Variants in HDAC9 observed in about 807,000 individuals in gnomAD.
HDAC9 encodes histone deacetylase 9.
A neutral mutation model predicts 139.4 loss-of-function variants in HDAC9; 41 were observed. The observed-to-expected ratio is 0.29, with a 90% CI of 0.23 to 0.38. The LOEUF is 0.38. Ranked by LOEUF, HDAC9 falls within the 10% of genes least tolerant of loss-of-function variation. The probability of loss-of-function intolerance (pLI) is 1.00; values close to 1 mark genes in which losing one functional copy is unlikely to be tolerated. For missense variants in HDAC9, 1,147 were observed against 1,297.0 expected (o/e 0.88, Z 1.78); for synonymous variants, 517 against 476.2 (o/e 1.09, Z -1.12).
intron 2 of HDAC9, among the ~76,000 whole-genome samples, chr7:18,215,858 T>A (rs193086237): frequency 1.5e-3 from 227 of 152,264 alleles, no homozygotes; most frequent in Non-Finnish European, 2.6e-3. Flanking sequence ...GCTGTTTTTG[T>A]CAATCATATA....
chr7:18,905,564 A>G (rs1802158596), intron 22 of HDAC9, among the ~76,000 whole-genome samples: 1 of 152,220 alleles, frequency 6.6e-6, no homozygotes, highest in South Asian at 2.1e-4. Flanking sequence ...CAACAGTGCC[A>G]TTTTTACATT....
chr7:18,493,630 A>T (rs1483837357), upstream of HDAC9, among the ~76,000 whole-genome samples: 2 of 151,968 alleles, frequency 1.3e-5, no homozygotes, highest in Non-Finnish European at 2.9e-5. Flanking sequence ...ACTAGCTGAG[A>T]TGATAGATTT....
At chr7:18,664,211 A>G (rs1233693494) in intron 11 of HDAC9, among the ~76,000 whole-genome samples, 1 of 152,146 alleles carries the variant, frequency 6.6e-6, no homozygotes, top group East Asian at 1.9e-4. Context: ...GTTTCCTAAA[A>G]TATACTTAAA....
chr7:18,925,558 C>G (rs568636555), intron 22 of HDAC9, among the ~76,000 whole-genome samples: 8 of 152,102 alleles, frequency 5.3e-5, no homozygotes, highest in Non-Finnish European at 1.0e-4. Context: ...TTTGAGTCCT[C>G]TTGAATACAT....
At chr7:18,112,296 C>T (rs550243340) in intron 1 of HDAC9, among the ~76,000 whole-genome samples, 12 of 152,220 alleles carry the variant, frequency 7.9e-5, no homozygotes, top group South Asian at 2.1e-4. Flanking sequence ...TGCCACAAAT[C>T]GGAGATTTTG....
At chr7:18,741,351 T>C (rs1584953459) in intron 13 of HDAC9, among the ~76,000 whole-genome samples, 1 of 152,216 alleles carries the variant, frequency 6.6e-6, no homozygotes, top group East Asian at 1.9e-4. Flanking sequence ...CTCAAAATAC[T>C]GTGCCCTTCA....
intron 1 of HDAC9, among the ~76,000 whole-genome samples, chr7:18,321,456 G>A (rs1170660850): frequency 6.6e-6 from 1 of 152,142 alleles, no homozygotes; most frequent in African/African-American, 2.4e-5. Context: ...TTCTAAATAG[G>A]TGATATGCCT....
intron 22 of HDAC9, among the ~76,000 whole-genome samples, chr7:18,911,017 G>A (rs527934720): frequency 6.6e-6 from 1 of 151,962 alleles, no homozygotes; most frequent in South Asian, 2.1e-4. Flanking sequence ...AGTTTGAGAA[G>A]ACTTGGTGTT....
intron 2 of HDAC9, among the ~76,000 whole-genome samples, chr7:18,503,661 C>A (rs1798990648): frequency 6.6e-6 from 1 of 152,060 alleles, no homozygotes; most frequent in African/African-American, 2.4e-5. Flanking sequence ...AGAAATTTAC[C>A]AAACCACAGA....
chr7:18,761,916 T>C (rs1426821634), intron 14 of HDAC9, among the ~76,000 whole-genome samples: 1 of 152,214 alleles, frequency 6.6e-6, no homozygotes, highest in Non-Finnish European at 1.5e-5. Context: ...TTCTCTTCCA[T>C]GCCAAATAAG....
intron 2 of HDAC9, among the ~76,000 whole-genome samples, chr7:18,549,010 C>A (rs189415246): frequency 2.0e-5 from 3 of 152,170 alleles, no homozygotes; most frequent in Middle Eastern, 3.4e-3. Context: ...GAGGCCAAGG[C>A]GGGAGGATCG....
In HDAC9 at chr7:18,168,083, T is replaced by C. The variant is rs373368711; in HGVS notation, c.25+5734T>C. 3.3e-5 allele frequency among the ~76,000 whole-genome samples: 5 copies of C among 152,316 alleles called. No homozygotes were observed. In the East Asian group the frequency reaches 5.8e-4, roughly 18 times the overall value. ...CAGAATAGATAATGCCCAGTGTAGC[T>C]ATTAGAAAATTCAAGTTCCTGTTAG... On this transcript the variant is annotated intron_variant, in intron 2 of 12. Coordinates refer to the HDAC9 transcript ENST00000417496.
intron 22 of HDAC9, among the ~76,000 whole-genome samples, chr7:18,907,731 T>C (rs1802390913): frequency 6.6e-6 from 1 of 151,978 alleles, no homozygotes. Flanking sequence ...AAGGGCAAAC[T>C]TGAGAGAGCA....
At chr7:18,549,248 T>C (rs564469695) in intron 2 of HDAC9, among the ~76,000 whole-genome samples, 4 of 151,882 alleles carry the variant, frequency 2.6e-5, no homozygotes, top group South Asian at 2.1e-4. Context: ...AATAAATAAA[T>C]AAACAAACAA....
chr7:18,112,669 A>G (rs1783705034), intron 1 of HDAC9, among the ~76,000 whole-genome samples: 1 of 152,180 alleles, frequency 6.6e-6, no homozygotes, highest in Admixed American at 6.6e-5. Context: ...TTTTATTATT[A>G]TTTGTCAATT....
At chr7:18,099,951 G>C (rs1405137828) in intron 1 of HDAC9, among the ~76,000 whole-genome samples, 1 of 152,034 alleles carries the variant, frequency 6.6e-6, no homozygotes, top group Non-Finnish European at 1.5e-5. Flanking sequence ...TCTATATCCA[G>C]ATTTTCCTCT....
At chr7:18,822,597 C>A in intron 17 of HDAC9, among the ~76,000 whole-genome samples, 1 of 152,204 alleles carries the variant, frequency 6.6e-6, no homozygotes, top group East Asian at 1.9e-4. Context: ...CAGGTATCCA[C>A]CTGCCTTGGC....
intron 24 of HDAC9, among the ~76,000 whole-genome samples, chr7:18,969,915 G>T (rs1784139205): frequency 6.6e-6 from 1 of 152,132 alleles, no homozygotes; most frequent in Non-Finnish European, 1.5e-5. Context: ...CAGTAACCAT[G>T]AGACATTTGG....
At chr7:18,756,483 G>C (rs1693160079) in intron 14 of HDAC9, among the ~76,000 whole-genome samples, 1 of 152,158 alleles carries the variant, frequency 6.6e-6, no homozygotes, top group Non-Finnish European at 1.5e-5. Context: ...TCCTTATTCA[G>C]GTTTCCTGTT....
Sources: allele counts gnomAD v4.1 joint callset (sites outside exome capture counted in the v4.1 genomes callset), GRCh38; gene constraint gnomAD v4.1.1; transcripts MANE v1.5; gene names NCBI Gene and HGNC (gene_info 2026-07-23, HGNC 2026-07-21).